BEST3: variants seen among roughly 807,000 people sequenced by gnomAD.
BEST3 encodes bestrophin 3.
Under a neutral mutation model 47.1 loss-of-function variants are expected in BEST3, and 50 were observed. The ratio of observed to expected loss-of-function variants is 1.06; its 90% CI spans 0.85 to 1.34. The LOEUF is 1.34. Ranked by LOEUF, BEST3 falls within the 40% of genes most tolerant of loss-of-function variation. BEST3 has a pLI of 0.00. For missense variants in BEST3, 765 were observed against 817.0 expected, an observed-to-expected ratio of 0.94 and a Z score of 0.78; for synonymous variants, 282 against 298.8, an observed-to-expected ratio of 0.94 and a Z score of 0.58.
At chr12:69,656,840 A>G (rs1055136869) in intron 9 of BEST3, among the ~76,000 whole-genome samples, 1 of 152,126 alleles carries the variant, frequency 6.6e-6, no homozygotes, top group African/African-American at 2.4e-5. Flanking sequence ...CCAGGGTGGA[A>G]TAGTGAGTAA....
In BEST3 at chr12:69,677,065, C is replaced by T. The variant is rs1395120038; in HGVS notation, c.718G>A (p.Val240Ile). Residue 240 changes from valine to isoleucine, a missense_variant, in exon 7 of 10, where the codon GTC becomes ATC. Coordinates refer to ENST00000330891, the MANE Select transcript of BEST3 (RefSeq NM_032735.3). ...VGIPLVYTQV[V>I]TLAVYTFFFA... ...AAGAAGGTATAGACAGCAAGAGTGACAACCTGGAACAGAGAGAGACCAGAG... is the reference window on the plus strand; with the variant it reads ...AAGAAGGTATAGACAGCAAGAGTGATAACCTGGAACAGAGAGAGACCAGAG... 6.2e-7 allele frequency: 1 copy of T among 1,614,178 alleles called. No individual in the cohort carries two copies.
At chr12:69,695,699 T>C (rs891340242) in intron 2 of BEST3, among the ~76,000 whole-genome samples, 1 of 152,222 alleles carries the variant, frequency 6.6e-6, no homozygotes, top group African/African-American at 2.4e-5. Flanking sequence ...CTGACACTTA[T>C]GAATTTGGAC....
At chr12:69,689,367 C>T (rs887299533) in intron 4 of BEST3, 20 of 533,648 alleles carry the variant, frequency 3.7e-5, no homozygotes, top group Non-Finnish European at 4.8e-5. Flanking sequence ...GCCTCCGAAG[C>T]GTCTCTCCTG....
downstream of BEST3, among the ~76,000 whole-genome samples, chr12:69,650,259 A>AT (rs1402316565): frequency 6.6e-6 from 1 of 151,830 alleles, no homozygotes; most frequent in African/African-American, 2.4e-5. Context: ...GAATAGGAAT[A>AT]TTTTTTCTGG....
intron 4 of BEST3, 21 bp from the exon 5 acceptor site, chr12:69,678,914 C>T (rs1435970154): frequency 6.3e-6 from 10 of 1,599,586 alleles, no homozygotes; most frequent in East Asian, 2.2e-5. Context: ...AAATAAAAAT[C>T]GGTAGGTATA....
chr12:69,655,353 C>T lies in BEST3; in HGVS notation c.1561G>A (p.Asp521Asn). 1.2e-6 allele frequency: 2 copies of T among 1,614,144 alleles called. No homozygotes were observed. Among genetic ancestry groups the T allele is most frequent in the Non-Finnish European group, 1.7e-6 (2 of 1,180,026 alleles). The change falls in exon 10 of 10, where the codon GAT becomes AAT. Residue 521 changes from aspartate to asparagine, a missense_variant. Coordinates refer to ENST00000330891, the MANE Select transcript of BEST3 (RefSeq NM_032735.3). ...GAGCTCAAGATGGAGGTAGCGGAAT[C>T]ATGGTGGTAGCCCCCTGATGTGGGC... ...PVPTSGGYHH[D>N]SATSILSSEF...
chr12:69,647,043 T>G (rs947258460), intron 9 of BEST3, among the ~76,000 whole-genome samples: 5 of 152,150 alleles, frequency 3.3e-5, no homozygotes, highest in Admixed American at 2.6e-4. Flanking sequence ...AAACACTCAG[T>G]ATTCACCCAT....
intron 9 of BEST3, among the ~76,000 whole-genome samples, chr12:69,663,207 A>G (rs566686723): frequency 2.6e-5 from 4 of 152,364 alleles, no homozygotes; most frequent in African/African-American, 9.6e-5. Context: ...TTATGATGAT[A>G]TAATGTGAAG....
chr12:69,643,793 G>A (rs1403654386), intron 9 of BEST3: 1 of 709,706 alleles, frequency 1.4e-6, no homozygotes. Context: ...GTTTCCTGGG[G>A]AGAAGGGGAG....
At chr12:69,665,459 G>A (rs1014219351) in intron 9 of BEST3, among the ~76,000 whole-genome samples, 4 of 152,158 alleles carry the variant, frequency 2.6e-5, no homozygotes, top group Non-Finnish European at 5.9e-5. Flanking sequence ...TGGGTGTGGT[G>A]GTGCACGCCT....
chr12:69,698,535 G>T (rs543273407), intron 1 of BEST3, among the ~76,000 whole-genome samples: 81 of 152,122 alleles, frequency 5.3e-4, no homozygotes, highest in African/African-American at 1.9e-3. Flanking sequence ...TCAATTTCTG[G>T]CTAAGATAGA....
intron 4 of BEST3, among the ~76,000 whole-genome samples, chr12:69,685,884 A>G (rs1029010114): frequency 6.6e-6 from 1 of 152,190 alleles, no homozygotes; most frequent in African/African-American, 2.4e-5. Context: ...ACACTGACCA[A>G]CCGACACTGC....
intron 9 of BEST3, chr12:69,670,614 G>A (rs745776258): frequency 1.1e-4 from 80 of 699,622 alleles, no homozygotes; most frequent in Non-Finnish European, 1.9e-4. Flanking sequence ...CCACTTCAGG[G>A]AGGAGGGAAA....
intron 8 of BEST3, among the ~76,000 whole-genome samples, chr12:69,672,057 T>C (rs1284657500): frequency 6.6e-6 from 1 of 152,224 alleles, no homozygotes; most frequent in Non-Finnish European, 1.5e-5. Context: ...TGGAAAAACA[T>C]AACAAGAAGT....
At chr12:69,651,482 A>G (rs1017659483), downstream of BEST3, among the ~76,000 whole-genome samples, 6 of 152,180 alleles carry the variant, frequency 3.9e-5, no homozygotes, top group African/African-American at 1.4e-4. Flanking sequence ...ATGACTTAAA[A>G]TGGAATCAAA....
intron 9 of BEST3, among the ~76,000 whole-genome samples, chr12:69,645,803 C>G (rs1883013557): frequency 6.6e-6 from 1 of 152,116 alleles, no homozygotes; most frequent in South Asian, 2.1e-4. Context: ...AGTTGTAACC[C>G]TCCCTTTCCT....
In BEST3 at chr12:69,697,700, G is replaced by C. The variant is rs746977484; in HGVS notation, c.99C>G (p.Tyr33Ter). The C allele has an allele frequency of 1.2e-6, 2 of 1,612,738 alleles. No individual in the cohort carries two copies. Among genetic ancestry groups the C allele is most frequent in the African/African-American group, 1.3e-5 (1 of 74,962 alleles). ...KWRGSIYKLL[Y>*]REFIVFAVLY... ...GAACAGCAAAAACAATAAATTCCCT[G>C]TACAGTAGTTTGTAGATGCTGCCTC... is the stretch of plus-strand genomic sequence containing the variant. The change falls in exon 2 of 10, where the codon TAC (tyrosine) becomes TAG (stop). Residue 33 changes from tyrosine to a stop codon, truncating the protein, a stop_gained. Transcript: ENST00000330891. LOFTEE classifies it high-confidence loss of function.
chr12:69,668,510 C>T (rs181889792), intron 9 of BEST3, among the ~76,000 whole-genome samples: 5 of 152,332 alleles, frequency 3.3e-5, no homozygotes, highest in African/African-American at 1.2e-4. Flanking sequence ...TGCCCTTAGC[C>T]TCAGTCAGGT....
intron 8 of BEST3, 87 bp from the exon 9 acceptor site, chr12:69,671,666 G>T: frequency 8.1e-7 from 1 of 1,238,518 alleles, no homozygotes; most frequent in Non-Finnish European, 1.2e-6. Flanking sequence ...GAGTTAGATT[G>T]GGCTAGGACA....
Sources: allele counts gnomAD v4.1 joint callset (sites outside exome capture counted in the v4.1 genomes callset), GRCh38; gene constraint gnomAD v4.1.1; transcripts MANE v1.5; gene names NCBI Gene and HGNC (gene_info 2026-07-23, HGNC 2026-07-21).